PRMT2: variants seen among roughly 807,000 people sequenced by gnomAD.
PRMT2 encodes the protein protein arginine methyltransferase 2.
Under a neutral mutation model 57.6 loss-of-function variants are expected in PRMT2, and 26 were observed. The ratio of observed to expected loss-of-function variants is 0.45; its 90% confidence interval spans 0.33 to 0.63. The LOEUF (loss-of-function observed/expected upper bound fraction) is 0.63. Among genes scored for constraint, PRMT2 ranks in the 20% least tolerant of loss-of-function variants. The probability of loss-of-function intolerance (pLI) is 0.02; values close to 1 mark genes in which losing one functional copy is unlikely to be tolerated. For missense variants in PRMT2, 472 were observed against 564.4 expected (o/e 0.84, Z 1.66); for synonymous variants, 219 against 220.0 (o/e 1.00, Z 0.04).
chr21:46,657,900 C>T (rs2839377), intron 7 of PRMT2: 74,775 of 152,116 alleles, frequency 0.49, 18,854 homozygotes, highest in South Asian at 0.62. Flanking sequence ...AACAGTGGTT[C>T]CTTCTAGGTA....
chr21:46,661,155 G>A (rs946743188), intron 9 of PRMT2, 193 bp downstream of exon 9: 13 of 517,878 alleles, frequency 2.5e-5, no homozygotes, highest in Non-Finnish European at 3.8e-5. Flanking sequence ...TCTTTTTTAC[G>A]TTCTATTTTG....
chr21:46,649,811 C>T lies in PRMT2; in HGVS notation c.654+72C>T, dbSNP rs1326743960. 5.7e-6 allele frequency: 9 copies of T among 1,565,312 alleles called. No homozygotes were observed. In the South Asian group the frequency reaches 5.8e-5, roughly 10 times the overall value. On this transcript the variant is annotated intron_variant, in intron 7 of 11. Coordinates refer to ENST00000355680, the MANE Select transcript of PRMT2 (RefSeq NM_206962.4). The surrounding 1 kb of genome is among the most constrained non-coding windows in gnomAD (Gnocchi z 4.8). ...CTGAGCACGGGCTCGGCTGGGCCAA[C>T]CTCAGGATCTCAAGGGTCGTGCGTG...
At chr21:46,639,402 A>AT (rs956045321) in intron 3 of PRMT2, among the ~76,000 whole-genome samples, 4 of 151,164 alleles carry the variant, frequency 2.6e-5, no homozygotes, top group Non-Finnish European at 5.9e-5. Flanking sequence ...ATCTTTTCTG[A>AT]TTTTTTTTGC....
intron 5 of PRMT2, among the ~76,000 whole-genome samples, chr21:46,646,776 C>T (rs1045052820): frequency 2.0e-5 from 3 of 152,296 alleles, no homozygotes; most frequent in African/African-American, 7.2e-5. Context: ...CCAGTTCGCC[C>T]TCCAGAAAGA....
chr21:46,647,540 A>G (rs963024763), intron 5 of PRMT2, among the ~76,000 whole-genome samples: 2 of 152,130 alleles, frequency 1.3e-5, no homozygotes, highest in African/African-American at 2.4e-5. Context: ...ACTCTGTCGT[A>G]TGAGTGGCTG....
intron 7 of PRMT2, chr21:46,652,770 A>G (rs1454377666): frequency 1.7e-6 from 2 of 1,191,516 alleles, no homozygotes; most frequent in East Asian, 6.7e-5. Flanking sequence ...GGTGTCCTAG[A>G]TTGTCAACAG....
At chr21:46,636,826 G>T (rs2061180403) in intron 2 of PRMT2, 70 bp from the exon 3 acceptor site, 3 of 847,128 alleles carry the variant, frequency 3.5e-6, no homozygotes, top group South Asian at 1.8e-5. Flanking sequence ...ATGCACATTA[G>T]AAGTTAAGTG....
intron 10 of PRMT2, among the ~76,000 whole-genome samples, chr21:46,663,143 CG>C (rs911852567): frequency 1.6e-4 from 25 of 152,328 alleles, no homozygotes; most frequent in African/African-American, 5.3e-4. Context: ...GTCTCACTAG[CG>C]TAACTTTGAT....
intron 8 of PRMT2, chr21:46,659,899 C>T (rs2061594881): frequency 1.0e-6 from 1 of 985,278 alleles, no homozygotes; most frequent in East Asian, 1.1e-4. Context: ...GTTTAAGAGA[C>T]AGTAAAGCTT....
chr21:46,640,844 C>G (rs2078561144), intron 3 of PRMT2, among the ~76,000 whole-genome samples: 1 of 151,330 alleles, frequency 6.6e-6, no homozygotes, highest in South Asian at 2.1e-4. Context: ...ATGTCTCATG[C>G]TCTATTCTTA....
intron 7 of PRMT2, 68 bp from the exon 8 acceptor site, chr21:46,658,677 G>A: frequency 6.3e-7 from 1 of 1,578,150 alleles, no homozygotes; most frequent in Non-Finnish European, 8.6e-7. Flanking sequence ...TACGAATGTG[G>A]TGGTGAGAGG....
At chr21:46,652,979 T>C in intron 7 of PRMT2, 1 of 1,240,364 alleles carries the variant, frequency 8.1e-7, no homozygotes, top group South Asian at 1.4e-5. Flanking sequence ...CAGGACGCTT[T>C]GCAAGGTCAC....
chr21:46,663,522 G>A lies in PRMT2; in HGVS notation c.1237G>A (p.Val413Ile). Reference sequence around the variant, plus strand: ...CATGTCTGTGGCTCTGAGCTGGGCTGTCACTTCCAGACAAGACCCCACATC... The same window carrying A: ...CATGTCTGTGGCTCTGAGCTGGGCTATCACTTCCAGACAAGACCCCACATC... ...RHMSVALSWA[V>I]TSRQDPTSQK... Residue 413 changes from valine to isoleucine, a missense_variant, in exon 11 of 12, where the codon GTC becomes ATC. Coordinates refer to ENST00000355680, the MANE Select transcript of PRMT2 (RefSeq NM_206962.4). The A allele has an allele frequency of 6.2e-7, 1 of 1,614,164 alleles. No individual in the cohort carries two copies. The highest frequency in any genetic ancestry group is 8.5e-7 in the Non-Finnish European group (1 of 1,180,014).
intron 2 of PRMT2, 42 bp from the exon 3 acceptor site, chr21:46,636,854 A>G (rs780171822): frequency 5.1e-5 from 62 of 1,206,890 alleles, no homozygotes; most frequent in Non-Finnish European, 6.4e-5. Context: ...TTATTAAGCA[A>G]TGTAACAAGT....
At chr21:46,641,200 G>A (rs2300408) in intron 3 of PRMT2, among the ~76,000 whole-genome samples, 135,970 of 151,434 alleles carry the variant, frequency 0.9, 61,120 homozygotes, top group African/African-American at 0.92. Flanking sequence ...ACATAAGCTT[G>A]TCTGTGCACA....
chr21:46,655,588 C>T (rs1194060913), intron 7 of PRMT2, among the ~76,000 whole-genome samples: 1 of 152,084 alleles, frequency 6.6e-6, no homozygotes, highest in African/African-American at 2.4e-5. Flanking sequence ...TACAGAAAAT[C>T]CTAAGGAGTC....
intron 7 of PRMT2, chr21:46,652,247 G>C: frequency 2.2e-6 from 3 of 1,358,804 alleles, no homozygotes; most frequent in Non-Finnish European, 2.8e-6. Flanking sequence ...TTTATTTGTT[G>C]TTAGGATGGG....
chr21:46,636,673 A>T (rs750933082), intron 2 of PRMT2, 126 bp downstream of exon 2: 302 of 441,810 alleles, frequency 6.8e-4, no homozygotes, highest in Non-Finnish European at 8.9e-4. Flanking sequence ...AACAAGATTA[A>T]CACCTTGCAG....
chr21:46,661,968 G>GA (rs1555938155), intron 10 of PRMT2, 32 bp downstream of exon 10: 11 of 1,101,762 alleles, frequency 1.0e-5, no homozygotes, highest in Non-Finnish European at 1.2e-5. Context: ...ACGGGGTGCG[G>GA]GGTGGGGGGC....
Sources: allele counts gnomAD v4.1 joint callset (sites outside exome capture counted in the v4.1 genomes callset), GRCh38; gene constraint gnomAD v4.1.1; non-coding constraint Gnocchi (gnomAD v3.1); transcripts MANE v1.5; gene names NCBI Gene and HGNC (gene_info 2026-07-23, HGNC 2026-07-21).